The following OXCT1 variants were observed in gnomAD, a reference collection of about 807,000 sequenced individuals.
OXCT1 encodes succinyl-CoA:3-ketoacid coenzyme A transferase 1, mitochondrial.
Under a neutral mutation model 69.6 loss-of-function variants are expected in OXCT1, and 27 were observed. The observed-to-expected ratio is 0.39, with a 90% CI of 0.29 to 0.54. The LOEUF (loss-of-function observed/expected upper bound fraction) is 0.54, where lower values mean the gene tolerates loss of function less well. Ranked by LOEUF, OXCT1 falls within the 20% of genes least tolerant of loss-of-function variation. The pLI is 0.72. For synonymous variants in OXCT1, 202 were observed against 217.8 expected (o/e 0.93, Z 0.64); for missense variants, 437 against 650.2 (o/e 0.67, Z 3.57).
chr5:41,792,947 C>G (rs985461082), intron 13 of OXCT1, among the ~76,000 whole-genome samples: 3 of 152,140 alleles, frequency 2.0e-5, no homozygotes, highest in Admixed American at 2.0e-4. Context: ...ATCAAAATTT[C>G]TTAAAACTCT....
intron 16 of OXCT1, among the ~76,000 whole-genome samples, chr5:41,734,125 T>G (rs1187314960): frequency 6.6e-6 from 1 of 152,218 alleles, no homozygotes; most frequent in Non-Finnish European, 1.5e-5. Context: ...TTGCCACTGG[T>G]GGTTTAGGTA....
At position 41,866,506 on chromosome 5, in the gene OXCT1, G is replaced by A. The variant is rs117073942; in HGVS notation, c.79-3756C>T. Reference sequence around the variant, plus strand: ...TATGGAGAGAAGTAAAGAGATACACGTTATAAAGAAAAGGCAGTAATATGT... The same window carrying A: ...TATGGAGAGAAGTAAAGAGATACACATTATAAAGAAAAGGCAGTAATATGT... On this transcript the variant is annotated intron_variant, in intron 1 of 16. Coordinates refer to ENST00000196371, the MANE Select transcript of OXCT1 (RefSeq NM_000436.4). Among the ~76,000 whole-genome samples, 41 of 152,282 alleles carry A rather than the reference G, an allele frequency of 2.7e-4. No homozygotes were observed. The East Asian group carries it at 5.0e-3, about 19-fold the overall frequency.
At chr5:41,859,010 C>G (rs1462784053) in intron 3 of OXCT1, among the ~76,000 whole-genome samples, 1 of 152,142 alleles carries the variant, frequency 6.6e-6, no homozygotes, top group Non-Finnish European at 1.5e-5. Context: ...ATATAAAATT[C>G]ATAAGTTTTA....
intron 14 of OXCT1, among the ~76,000 whole-genome samples, chr5:41,760,294 C>G (rs994801388): frequency 1.3e-5 from 2 of 152,016 alleles, no homozygotes; most frequent in African/African-American, 4.8e-5. Context: ...ATCATAAGTA[C>G]ATTGTTTTAT....
intron 14 of OXCT1, among the ~76,000 whole-genome samples, chr5:41,759,839 C>CA (rs765799607): frequency 5.8e-4 from 88 of 151,708 alleles, no homozygotes; most frequent in African/African-American, 6.5e-4. Context: ...AACAAACAAA[C>CA]AAAAAAAACA....
chr5:41,749,345 CAA>C (rs1456733933), intron 15 of OXCT1, among the ~76,000 whole-genome samples, 180 bp downstream of exon 15: 4 of 152,012 alleles, frequency 2.6e-5, no homozygotes, highest in Admixed American at 6.6e-5. Flanking sequence ...TGCATGTTTC[CAA>C]AGAGTTGCAC....
At chr5:41,782,862 A>G (rs1745476030) in intron 13 of OXCT1, among the ~76,000 whole-genome samples, 1 of 152,188 alleles carries the variant, frequency 6.6e-6, no homozygotes, top group Non-Finnish European at 1.5e-5. Flanking sequence ...AGGTCCTAAT[A>G]TTGGCTTAGC....
At chr5:41,778,635 A>G (rs182142470) in intron 13 of OXCT1, among the ~76,000 whole-genome samples, 1 of 152,310 alleles carries the variant, frequency 6.6e-6, no homozygotes, top group East Asian at 1.9e-4. Context: ...GCTGATACCC[A>G]TCTCAGCTGC....
At position 41,821,577 on chromosome 5, in the gene OXCT1, T is replaced by C. The variant is rs1747553646; in HGVS notation, c.733-14139A>G. Among the ~76,000 whole-genome samples the C allele has an allele frequency of 2.0e-5, 3 of 152,230 alleles. No individual in the cohort carries two copies. The South Asian group carries it at 6.2e-4, about 31-fold the overall frequency. On this transcript the variant is annotated intron_variant, in intron 7 of 16. Coordinates refer to ENST00000196371, the MANE Select transcript of OXCT1 (RefSeq NM_000436.4). The stretch of plus-strand genomic sequence containing the variant: ...CATTTTGCATTCTCACCAGCAATGA[T>C]TGAGTGCCTGTGATTTTACATCCTC...
chr5:41,838,845 G>A (rs185623587), intron 7 of OXCT1, among the ~76,000 whole-genome samples: 6 of 152,248 alleles, frequency 3.9e-5, no homozygotes, highest in Admixed American at 6.5e-5. Context: ...AGGCTCAAGC[G>A]ATCCACCTGC....
intron 15 of OXCT1, among the ~76,000 whole-genome samples, chr5:41,748,963 G>T (rs1050850620): frequency 1.3e-5 from 2 of 152,012 alleles, no homozygotes; most frequent in African/African-American, 2.4e-5. Flanking sequence ...GGTCTGAGCA[G>T]CTTTCAGTTG....
In OXCT1 at chr5:41,870,208, A is replaced by G; in HGVS notation, c.78+73T>C. 1 of 1,208,218 alleles carries G rather than the reference A, an allele frequency of 8.3e-7. No individual in the cohort carries two copies. Among genetic ancestry groups the G allele is most frequent in the Non-Finnish European group, 1.2e-6 (1 of 815,922 alleles). The allele number at this position is 1,208,218 out of a possible 1,614,324, so 74.8% of individuals were successfully genotyped here. On this transcript the variant is annotated intron_variant, in intron 1 of 16. Transcript: ENST00000196371. This position sits in a 1 kb window ranked among gnomAD's most constrained non-coding sequence, Gnocchi z 4.2. Reference sequence around the variant, plus strand: ...GAGAGAGCGGGTAGGGGCAGAGAAGAAAACGCGGGCACCACTCAGGGTTTG... The same window carrying G: ...GAGAGAGCGGGTAGGGGCAGAGAAGGAAACGCGGGCACCACTCAGGGTTTG...
At chr5:41,850,523 A>T (rs1749129485) in intron 4 of OXCT1, among the ~76,000 whole-genome samples, 1 of 152,170 alleles carries the variant, frequency 6.6e-6, no homozygotes, top group Non-Finnish European at 1.5e-5. Flanking sequence ...CTTTAGTTAT[A>T]TATATTAAGT....
chr5:41,802,107 A>G (rs1366930557), intron 10 of OXCT1, among the ~76,000 whole-genome samples: 1 of 152,104 alleles, frequency 6.6e-6, no homozygotes, highest in Admixed American at 6.6e-5. Context: ...CACTCTAGAT[A>G]ATCTCTAAGG....
At chr5:41,833,131 T>G (rs532242319) in intron 7 of OXCT1, among the ~76,000 whole-genome samples, 29 of 152,200 alleles carry the variant, frequency 1.9e-4, no homozygotes, top group Non-Finnish European at 2.1e-4. Flanking sequence ...TAGAGAAAGA[T>G]AAACATTCAA....
chr5:41,838,367 A>G (rs1248031957), intron 7 of OXCT1, among the ~76,000 whole-genome samples: 1 of 152,184 alleles, frequency 6.6e-6, no homozygotes, highest in Non-Finnish European at 1.5e-5. Flanking sequence ...TCATGTTTCT[A>G]CTATGTATAC....
intron 5 of OXCT1, among the ~76,000 whole-genome samples, chr5:41,848,806 C>T (rs1029534674): frequency 2.0e-5 from 3 of 151,992 alleles, no homozygotes; most frequent in South Asian, 2.1e-4. Flanking sequence ...AAGACTTAAA[C>T]GTTAGACCTA....
rs965338609 is a variant in OXCT1 at position 41,731,341 on chromosome 5, A to T, written c.*388T>A. 7.4e-5 allele frequency: 75 copies of T among 1,019,472 alleles called. No homozygotes were observed. Among genetic ancestry groups the T allele is most frequent in the Non-Finnish European group, 8.8e-5 (75 of 848,848 alleles). The allele number at this position is 1,019,472 out of a possible 1,614,324, so 63.2% of individuals were successfully genotyped here. ...TGACAGCAACTCTCCTAACCACAAAAATCACATATGTTATCTTTCTTTCAG... is the reference window on the plus strand; with the variant it reads ...TGACAGCAACTCTCCTAACCACAAATATCACATATGTTATCTTTCTTTCAG... On this transcript the variant is annotated 3_prime_UTR_variant, in exon 17 of 17. Transcript: ENST00000196371.
intron 16 of OXCT1, among the ~76,000 whole-genome samples, chr5:41,738,116 A>G (rs760177230): frequency 6.6e-6 from 1 of 152,232 alleles, no homozygotes; most frequent in Non-Finnish European, 1.5e-5. Context: ...CAAGAAAGAC[A>G]TACATACAAT....
Sources: allele counts gnomAD v4.1 joint callset (sites outside exome capture counted in the v4.1 genomes callset), GRCh38; gene constraint gnomAD v4.1.1; non-coding constraint Gnocchi (gnomAD v3.1); transcripts MANE v1.5; gene names NCBI Gene and HGNC (gene_info 2026-07-23, HGNC 2026-07-21).